KCTD8: variants seen among roughly 807,000 people sequenced by gnomAD.
KCTD8 encodes the protein potassium channel tetramerization domain containing 8.
KCTD8 carries 27 observed loss-of-function variants against 31.5 expected under a neutral mutation model. The observed-to-expected ratio is 0.86, with a 90% CI of 0.63 to 1.18. The LOEUF is 1.18. KCTD8 is among the 50% of genes most tolerant of loss of function. The probability of loss-of-function intolerance (pLI) is 0.00; values close to 1 mark genes in which losing one functional copy is unlikely to be tolerated. For missense variants in KCTD8, 658 were observed against 647.7 expected (o/e 1.02, Z -0.17); for synonymous variants, 290 against 280.0 (o/e 1.04, Z -0.36).
At chr4:44,184,657 A>G (rs1713527518) in intron 1 of KCTD8, among the ~76,000 whole-genome samples, 1 of 152,224 alleles carries the variant, frequency 6.6e-6, no homozygotes, top group Admixed American at 6.5e-5. Context: ...TGCCTTCATC[A>G]GAATAGTTGC....
chr4:44,186,765 A>G lies in KCTD8; in HGVS notation c.962-11515T>C, dbSNP rs564670641. On this transcript the variant is annotated intron_variant, in intron 1 of 1. Transcript: ENST00000360029. ...CGTTTCATAGTCACTTATGGGATAG[A>G]GAGTTTTTCCTTTTCGTCTTGGTAT... is the stretch of plus-strand genomic sequence containing the variant. Among the ~76,000 whole-genome samples the G allele has an allele frequency of 9.2e-5, 14 of 152,344 alleles. No homozygotes were observed. In the South Asian group the frequency reaches 1.7e-3, roughly 18 times the overall value.
intron 1 of KCTD8, among the ~76,000 whole-genome samples, chr4:44,305,963 G>T (rs1717789256): frequency 6.6e-6 from 1 of 151,402 alleles, no homozygotes; most frequent in African/African-American, 2.4e-5. Flanking sequence ...TTCCAAATAA[G>T]TCATTTACTA....
intron 1 of KCTD8, among the ~76,000 whole-genome samples, chr4:44,215,775 C>A (rs1383632613): frequency 6.6e-6 from 1 of 150,442 alleles, no homozygotes; most frequent in Non-Finnish European, 1.5e-5. Context: ...ACTAGGGGAC[C>A]AATGTTAACC....
intron 1 of KCTD8, among the ~76,000 whole-genome samples, chr4:44,357,985 G>A (rs1247470663): frequency 6.6e-6 from 1 of 151,974 alleles, no homozygotes; most frequent in Non-Finnish European, 1.5e-5. Context: ...TGCCATGGTG[G>A]TGTGCTGCAC....
At chr4:44,222,255 G>A (rs548701285) in intron 1 of KCTD8, among the ~76,000 whole-genome samples, 3 of 152,060 alleles carry the variant, frequency 2.0e-5, no homozygotes, top group African/African-American at 7.2e-5. Flanking sequence ...TTTGTTTGCT[G>A]AGTTGAGCCT....
intron 1 of KCTD8, among the ~76,000 whole-genome samples, chr4:44,239,405 G>A (rs372267765): frequency 1.1e-4 from 16 of 152,190 alleles, no homozygotes; most frequent in Non-Finnish European, 2.2e-4. Context: ...ATGTTTCCAC[G>A]GTAGTAACAT....
At chr4:44,266,079 G>A (rs1331833313) in intron 1 of KCTD8, among the ~76,000 whole-genome samples, 1 of 151,856 alleles carries the variant, frequency 6.6e-6, no homozygotes, top group East Asian at 1.9e-4. Flanking sequence ...GCAACTCCAA[G>A]ACACATAATT....
At chr4:44,199,891 C>A (rs945060701) in intron 1 of KCTD8, among the ~76,000 whole-genome samples, 1 of 151,544 alleles carries the variant, frequency 6.6e-6, no homozygotes, top group Non-Finnish European at 1.5e-5. Context: ...ACAGACAAGA[C>A]TGATAAACCA....
chr4:44,318,879 A>T (rs1718214113), intron 1 of KCTD8, among the ~76,000 whole-genome samples: 1 of 152,222 alleles, frequency 6.6e-6, no homozygotes, highest in South Asian at 2.1e-4. Flanking sequence ...AAAGGAGATT[A>T]AAAAAGAGTG....
At chr4:44,233,110 T>C (rs1169662338) in intron 1 of KCTD8, among the ~76,000 whole-genome samples, 2 of 152,112 alleles carry the variant, frequency 1.3e-5, no homozygotes, top group Non-Finnish European at 2.9e-5. Context: ...TTTTTTGTTT[T>C]GTTGTTTTCT....
intron 1 of KCTD8, among the ~76,000 whole-genome samples, chr4:44,227,841 C>A (rs531198164): frequency 6.6e-6 from 1 of 152,076 alleles, no homozygotes; most frequent in Non-Finnish European, 1.5e-5. Context: ...ATATTTACAT[C>A]TTTTATTCCA....
chr4:44,194,070 T>C lies in KCTD8; in HGVS notation c.962-18820A>G, dbSNP rs532115133. On this transcript the variant is annotated intron_variant, in intron 1 of 1. Transcript: ENST00000360029. ...AGAACCCATGACTTGTCAGGTACCA[T>C]AATTTCCAAAATATCAAAATTATAT... 1.7e-4 allele frequency among the ~76,000 whole-genome samples: 26 copies of C among 152,266 alleles called. No homozygotes were observed. In the East Asian group the frequency reaches 3.7e-3, roughly 22 times the overall value.
chr4:44,199,237 T>A (rs1284157855), intron 1 of KCTD8, among the ~76,000 whole-genome samples: 2 of 151,990 alleles, frequency 1.3e-5, no homozygotes, highest in Non-Finnish European at 2.9e-5. Flanking sequence ...TTTAGACAAA[T>A]CATCAAGGCA....
chr4:44,329,162 CTT>C (rs530685832), intron 1 of KCTD8, among the ~76,000 whole-genome samples: 13 of 142,940 alleles, frequency 9.1e-5, no homozygotes, highest in Admixed American at 1.4e-4. Context: ...AAATCCTCCA[CTT>C]TTTTTTTTTT....
chr4:44,442,326 C>T (rs1327113795), intron 1 of KCTD8, among the ~76,000 whole-genome samples: 1 of 152,128 alleles, frequency 6.6e-6, no homozygotes, highest in Non-Finnish European at 1.5e-5. Context: ...GCAGCTCACG[C>T]CTGTAATCCC....
intron 1 of KCTD8, among the ~76,000 whole-genome samples, chr4:44,300,264 C>A (rs1356639507): frequency 6.6e-6 from 1 of 152,086 alleles, no homozygotes; most frequent in African/African-American, 2.4e-5. Flanking sequence ...AGTTCCCAAT[C>A]ACGATTTTTA....
At chr4:44,353,378 C>T (rs1183788602) in intron 1 of KCTD8, among the ~76,000 whole-genome samples, 2 of 151,780 alleles carry the variant, frequency 1.3e-5, no homozygotes, top group Non-Finnish European at 2.9e-5. Context: ...TTATGGGATA[C>T]ATGTGATAGT....
chr4:44,321,760 C>T (rs1391066303), intron 1 of KCTD8, among the ~76,000 whole-genome samples: 4 of 152,142 alleles, frequency 2.6e-5, no homozygotes. Context: ...ACTCCTTCCT[C>T]CTTTCCTTTG....
chr4:44,447,858 G>T lies in KCTD8; in HGVS notation c.666C>A (p.Asp222Glu). 6.3e-7 allele frequency: 1 copy of T among 1,575,812 alleles called. No individual in the cohort carries two copies. The highest frequency in any genetic ancestry group is 8.6e-7 in the Non-Finnish European group (1 of 1,158,880). ...GYRGSYTTVRDNQADAKFRRV... is the reference protein window; with the variant it reads ...GYRGSYTTVRENQADAKFRRV... ...GCCGGAATTTGGCGTCGGCCTGGTT[G>T]TCGCGCACGGTGGTGTAGGAGCCCC... Residue 222 changes from aspartate (D) to glutamate (E), a missense_variant, in exon 1 of 2, where the codon GAC becomes GAA. Physicochemically the swap from Asp to Glu is conservative, Grantham distance 45 (BLOSUM62 2). Transcript: ENST00000360029.
Sources: allele counts gnomAD v4.1 joint callset (sites outside exome capture counted in the v4.1 genomes callset), GRCh38; gene constraint gnomAD v4.1.1; transcripts MANE v1.5; gene names NCBI Gene and HGNC (gene_info 2026-07-23, HGNC 2026-07-21).